MAGI2: variants seen among roughly 807,000 people sequenced by gnomAD.
MAGI2 encodes membrane-associated guanylate kinase, WW and PDZ domain-containing protein 2.
Under a neutral mutation model 133.3 loss-of-function variants are expected in MAGI2, and 35 were observed. The observed-to-expected ratio is 0.26, with a 90% CI of 0.20 to 0.35. The LOEUF (loss-of-function observed/expected upper bound fraction) is 0.35. Ranked by LOEUF, MAGI2 falls within the 10% of genes least tolerant of loss-of-function variation. The pLI is 1.00. For missense variants in MAGI2, 1,636 were observed against 1,863.4 expected, an observed-to-expected ratio of 0.88 and a Z score of 2.25; for synonymous variants, 729 against 710.6, an observed-to-expected ratio of 1.03 and a Z score of -0.41.
chr7:79,402,593 G>A (rs1400571458), intron 1 of MAGI2, among the ~76,000 whole-genome samples: 6 of 151,988 alleles, frequency 3.9e-5, no homozygotes, highest in Non-Finnish European at 5.9e-5. Flanking sequence ...CTCTAAGTCC[G>A]GTGTTTTTTA....
intron 1 of MAGI2, among the ~76,000 whole-genome samples, chr7:79,451,340 G>A (rs187124892): frequency 2.0e-5 from 3 of 152,130 alleles, no homozygotes; most frequent in Non-Finnish European, 2.9e-5. Context: ...TAGACTTTTC[G>A]TACCCAAAGA....
intron 6 of MAGI2, among the ~76,000 whole-genome samples, chr7:78,395,852 G>A (rs1158117612): frequency 6.6e-6 from 1 of 152,156 alleles, no homozygotes; most frequent in Non-Finnish European, 1.5e-5. Context: ...GTGGATAAAG[G>A]AATACAGCAT....
intron 3 of MAGI2, among the ~76,000 whole-genome samples, chr7:78,601,161 G>A (rs1001945826): frequency 6.6e-6 from 1 of 152,052 alleles, no homozygotes; most frequent in African/African-American, 2.4e-5. Flanking sequence ...TTAGTGGTTG[G>A]TCCCTCCATG....
Position 79,214,575 on chromosome 7 carries a change from C to T in MAGI2, c.302-207369G>A, listed in dbSNP as rs368190006. Among the ~76,000 whole-genome samples, 82 of 138,434 alleles carry T rather than the reference C, an allele frequency of 5.9e-4. No homozygotes were observed. The East Asian group carries it at 8.2e-3, about 14-fold the overall frequency. 90.8% of individuals were successfully genotyped at this position (138,434 alleles called of 152,430 possible). A position where few individuals can be genotyped will look rare whatever the true frequency, so the allele number is the denominator to read the frequency against. ...ATTTAAACTGATTTTACAAGGATAT[C>T]GGATAGAGACAGAGAGAGAGTGCAA... is the stretch of plus-strand genomic sequence containing the variant. On this transcript the variant is annotated intron_variant, in intron 1 of 21. Transcript: ENST00000354212.
chr7:78,159,392 T>C (rs1346722010), intron 16 of MAGI2, among the ~76,000 whole-genome samples: 3 of 152,202 alleles, frequency 2.0e-5, no homozygotes, highest in African/African-American at 7.2e-5. Flanking sequence ...ACTCATCTTT[T>C]ACAAATATAA....
chr7:78,510,111 A>G (rs1030014), intron 4 of MAGI2, among the ~76,000 whole-genome samples: 50,844 of 152,038 alleles, frequency 0.33, 8,605 homozygotes, highest in South Asian at 0.48. Flanking sequence ...TTTGTAGTTC[A>G]TAAAGAGAAT....
chr7:78,171,119 G>C (rs1049054924), intron 14 of MAGI2, among the ~76,000 whole-genome samples: 3 of 152,174 alleles, frequency 2.0e-5, no homozygotes, highest in Admixed American at 6.5e-5. Context: ...TGCTGACACA[G>C]AGATAGCTCG....
intron 11 of MAGI2, among the ~76,000 whole-genome samples, chr7:78,198,181 C>T (rs1584356959): frequency 6.6e-6 from 1 of 152,316 alleles, no homozygotes; most frequent in East Asian, 1.9e-4. Context: ...TTTTGGGCCC[C>T]TCTTGTCCAG....
intron 2 of MAGI2, among the ~76,000 whole-genome samples, chr7:78,826,348 G>C (rs1790645694): frequency 8.2e-6 from 1 of 121,812 alleles, no homozygotes; most frequent in South Asian, 2.5e-4. Flanking sequence ...GTGAGACTCC[G>C]TCTAAAAAAA....
At chr7:78,235,481 G>C (rs1790432926) in intron 10 of MAGI2, among the ~76,000 whole-genome samples, 1 of 152,108 alleles carries the variant, frequency 6.6e-6, no homozygotes, top group Non-Finnish European at 1.5e-5. Flanking sequence ...ATTTAATCAT[G>C]GGGACTGTTA....
At chr7:79,083,713 C>T (rs1584888189) in intron 1 of MAGI2, among the ~76,000 whole-genome samples, 1 of 151,788 alleles carries the variant, frequency 6.6e-6, no homozygotes, top group East Asian at 1.9e-4. Flanking sequence ...CCTCCTCTTC[C>T]ATTTTTAAGA....
chr7:78,355,188 G>T (rs1468147994), intron 7 of MAGI2, among the ~76,000 whole-genome samples: 2 of 152,098 alleles, frequency 1.3e-5, no homozygotes, highest in African/African-American at 4.8e-5. Context: ...TAACTTGTTT[G>T]TTCTTTTCCA....
chr7:78,850,055 A>G (rs949811978), intron 2 of MAGI2, among the ~76,000 whole-genome samples: 3 of 152,112 alleles, frequency 2.0e-5, no homozygotes, highest in African/African-American at 7.2e-5. Flanking sequence ...TCCCAACTAT[A>G]CAATAAATTG....
At position 79,210,282 on chromosome 7, in the gene MAGI2, T is replaced by G. The variant is rs559346074; in HGVS notation, c.302-203076A>C. ...ATTACTAAACACTAGACATGATACATTATTTAATTATCCATATATGATAAA... is the reference window on the plus strand; with the variant it reads ...ATTACTAAACACTAGACATGATACAGTATTTAATTATCCATATATGATAAA... On this transcript the variant is annotated intron_variant, in intron 1 of 21. Coordinates refer to ENST00000354212, the MANE Select transcript of MAGI2 (RefSeq NM_012301.4). Among the ~76,000 whole-genome samples, 6 of 152,152 alleles carry G rather than the reference T, an allele frequency of 3.9e-5. No homozygotes were observed. The South Asian group carries it at 1.2e-3, about 32-fold the overall frequency.
chr7:79,141,800 T>A (rs956680162), intron 1 of MAGI2, among the ~76,000 whole-genome samples: 1 of 152,140 alleles, frequency 6.6e-6, no homozygotes, highest in African/African-American at 2.4e-5. Context: ...TGAATTTACA[T>A]AAATTCTTAA....
At chr7:78,497,555 TATC>T (rs1428874866) in intron 5 of MAGI2, among the ~76,000 whole-genome samples, 9 of 152,148 alleles carry the variant, frequency 5.9e-5, no homozygotes, top group Non-Finnish European at 1.5e-5. Flanking sequence ...TATTTTGCAA[TATC>T]ACATAAACCA....
chr7:78,360,360 G>C (rs1225970196), intron 7 of MAGI2, among the ~76,000 whole-genome samples: 1 of 152,152 alleles, frequency 6.6e-6, no homozygotes, highest in Non-Finnish European at 1.5e-5. Flanking sequence ...TCACCAAGAG[G>C]ATAGGATCTT....
chr7:79,369,975 G>A (rs1271091712), intron 1 of MAGI2, among the ~76,000 whole-genome samples: 1 of 151,712 alleles, frequency 6.6e-6, no homozygotes, highest in Non-Finnish European at 1.5e-5. Context: ...TATATATTAT[G>A]TCTGTTTCTC....
chr7:78,295,199 C>A (rs1216426078), intron 9 of MAGI2, among the ~76,000 whole-genome samples: 1 of 152,120 alleles, frequency 6.6e-6, no homozygotes, highest in Middle Eastern at 3.2e-3. Flanking sequence ...GGTATCCATG[C>A]TGCTGGCTTA....
Sources: gnomAD v4.1 joint callset for allele counts (sites outside exome capture counted in the v4.1 genomes callset) on GRCh38, gnomAD v4.1.1 for gene constraint, MANE v1.5 for transcripts, NCBI Gene and HGNC (gene_info 2026-07-23, HGNC 2026-07-21) for gene names.